SQLE: variants seen among roughly 807,000 people sequenced by gnomAD.
The protein encoded by SQLE is squalene monooxygenase.
A neutral mutation model predicts 60.7 loss-of-function variants in SQLE; 29 were observed. That is an observed-to-expected ratio of 0.48 (90% CI 0.36 to 0.65). The LOEUF is 0.65. Ranked by LOEUF, SQLE falls within the 30% of genes least tolerant of loss-of-function variation. The probability of loss-of-function intolerance (pLI) is 0.00; values close to 1 mark genes in which losing one functional copy is unlikely to be tolerated. For missense variants in SQLE, 605 were observed against 684.1 expected (o/e 0.88, Z 1.29); for synonymous variants, 237 against 246.8 (o/e 0.96, Z 0.37).
intron 7 of SQLE, among the ~76,000 whole-genome samples, chr8:125,014,288 G>A (rs968896086): frequency 1.3e-5 from 2 of 152,126 alleles, no homozygotes; most frequent in East Asian, 1.9e-4. Context: ...TGCTGACATA[G>A]GAACAGGAAA....
In SQLE at chr8:124,999,109, GA is replaced by G; in HGVS notation, c.-293del. 2.9e-6 allele frequency: 1 copy of G among 347,268 alleles called. No individual in the cohort carries two copies. The highest frequency in any genetic ancestry group is 5.1e-6 in the Non-Finnish European group (1 of 194,718). The allele number at this position is 347,268 out of a possible 1,614,324, so 21.5% of individuals were successfully genotyped here. ...AACACCATCAAAAAAGAAAAAAAGG[GA>G]ATATCTGGATTTCCTGGGCGAGGAG... is the stretch of plus-strand genomic sequence containing the variant. On this transcript the variant is annotated 5_prime_UTR_variant, in exon 1 of 11. Transcript: ENST00000265896.
chr8:125,011,585 G>A lies in SQLE; in HGVS notation c.1157G>A (p.Arg386Lys). 6.3e-7 allele frequency: 1 copy of A among 1,587,786 alleles called. No homozygotes were observed. The highest frequency in any genetic ancestry group is 8.6e-7 in the Non-Finnish European group (1 of 1,165,454). Residue 386 changes from arginine (R) to lysine (K), a missense_variant, in exon 7 of 11, where the codon AGG (arginine) becomes AAG (lysine). Coordinates refer to ENST00000265896, the MANE Select transcript of SQLE (RefSeq NM_003129.4). ...GAAGCCACTGACAATTCTCATCTGAGGTCCATGCCAGCAAGCTTCCTTCCT... is the reference window on the plus strand; with the variant it reads ...GAAGCCACTGACAATTCTCATCTGAAGTCCATGCCAGCAAGCTTCCTTCCT... ...FLEATDNSHL[R>K]SMPASFLPPS...
At chr8:125,021,325 A>C (rs959175398) in intron 10 of SQLE, among the ~76,000 whole-genome samples, 6 of 152,164 alleles carry the variant, frequency 3.9e-5, no homozygotes, top group South Asian at 2.1e-4. Context: ...TGATCCTTTG[A>C]GTCATTTCTC....
In SQLE at chr8:125,009,016, A is replaced by T; in HGVS notation, c.868A>T (p.Lys290Ter). 6.3e-7 allele frequency: 1 copy of T among 1,596,320 alleles called. No homozygotes were observed. The highest frequency in any genetic ancestry group is 8.5e-7 in the Non-Finnish European group (1 of 1,173,910). Residue 290 changes from lysine (K) to a stop codon, truncating the protein, a stop_gained, in exon 5 of 11, where the codon AAG becomes TAG. Transcript: ENST00000265896. LOFTEE classifies it high-confidence loss of function. ...LTVVADGLFS[K>*]FRKSLVSNKV... ...TGTTGTTGCAGATGGGCTTTTCTCC[A>T]AGTTCAGGAAAAGCCTGGTCTCCAA...
intron 7 of SQLE, chr8:125,017,847 C>A: frequency 1.8e-6 from 1 of 557,486 alleles, no homozygotes; most frequent in Non-Finnish European, 3.1e-6. Context: ...TTACCATATC[C>A]CCAGTGCCTG....
chr8:124,998,854 GA>G lies in SQLE; in HGVS notation c.-545del. On this transcript the variant is annotated 5_prime_UTR_variant, in exon 1 of 11. Coordinates refer to ENST00000265896, the MANE Select transcript of SQLE (RefSeq NM_003129.4). ...GGGCTGTACAGTGTCTCCGTCCGCGGAAAAAGAAGCCTCTGAACCCGCGCCG... is the reference window on the plus strand; with the variant it reads ...GGGCTGTACAGTGTCTCCGTCCGCGGAAAAGAAGCCTCTGAACCCGCGCCG... 2.5e-6 allele frequency: 1 copy of G among 405,892 alleles called. No homozygotes were observed. The highest frequency in any genetic ancestry group is 4.5e-5 in the Admixed American group (1 of 22,326). 25.1% of individuals were successfully genotyped at this position (405,892 alleles called of 1,614,324 possible).
chr8:125,012,201 A>G (rs1294690642), intron 7 of SQLE, among the ~76,000 whole-genome samples: 2 of 152,192 alleles, frequency 1.3e-5, no homozygotes, highest in Non-Finnish European at 1.5e-5. Context: ...GAGACAGACC[A>G]TTAACATTTA....
At position 125,012,358 on chromosome 8, in the gene SQLE, C is replaced by G. The variant is rs1815051413; in HGVS notation, c.1204+726C>G. Reference sequence around the variant, plus strand: ...ACAGTGTGTGCATCACCACCACAATCAAATTTAGAACATTTTTATCTTGCC... The same window carrying G: ...ACAGTGTGTGCATCACCACCACAATGAAATTTAGAACATTTTTATCTTGCC... On this transcript the variant is annotated intron_variant, in intron 7 of 10. Transcript: ENST00000265896. Among the ~76,000 whole-genome samples the G allele has an allele frequency of 3.3e-5, 5 of 152,310 alleles. No homozygotes were observed. The South Asian group carries it at 1.0e-3, about 32-fold the overall frequency.
At position 125,003,404 on chromosome 8, in the gene SQLE, G is replaced by A. The variant is rs373553731; in HGVS notation, c.520G>A (p.Val174Ile). 1.9e-6 allele frequency: 3 copies of A among 1,613,866 alleles called. No homozygotes were observed. The highest frequency in any genetic ancestry group is 1.3e-5 in the African/African-American group (1 of 74,912). ...GEFLQPGGYH[V>I]LKDLGLGDTV... ...ATTCCTGCAGCCGGGTGGTTATCATGTTCTCAAAGACCTTGGTCTTGGAGG... is the reference window on the plus strand; with the variant it reads ...ATTCCTGCAGCCGGGTGGTTATCATATTCTCAAAGACCTTGGTCTTGGAGG... Residue 174 changes from valine (V) to isoleucine (I), a missense_variant, in exon 2 of 11, where the codon GTT becomes ATT. Coordinates refer to ENST00000265896, the MANE Select transcript of SQLE (RefSeq NM_003129.4).
At chr8:125,012,842 T>C (rs1240178915) in intron 7 of SQLE, among the ~76,000 whole-genome samples, 1 of 152,208 alleles carries the variant, frequency 6.6e-6, no homozygotes, top group East Asian at 1.9e-4. Flanking sequence ...AGACTTGTTT[T>C]CCAAAATAGC....
intron 4 of SQLE, among the ~76,000 whole-genome samples, chr8:125,007,713 G>A (rs985459232): frequency 6.6e-6 from 1 of 152,114 alleles, no homozygotes; most frequent in South Asian, 2.1e-4. Context: ...ATGATCTAAT[G>A]AGTATTTTGT....
chr8:125,018,156 G>A lies in SQLE; in HGVS notation c.1302G>A (p.Leu434=), dbSNP rs768381830. ...AFKDIKLWRK[L]LKGIPDLYDD... ...AAGATATAAAACTATGGAGAAAACT[G>A]CTAAAGGGTATCCCTGACCTTTATG... Residue 434 remains leucine, a synonymous_variant, in exon 8 of 11, where the codon CTG becomes CTA. Transcript: ENST00000265896. 6.2e-7 allele frequency: 1 copy of A among 1,613,748 alleles called. No individual in the cohort carries two copies. The highest frequency in any genetic ancestry group is 8.5e-7 in the Non-Finnish European group (1 of 1,179,854).
intron 10 of SQLE, 72 bp downstream of exon 10, chr8:125,020,943 C>T: frequency 2.0e-6 from 2 of 1,008,216 alleles, no homozygotes; most frequent in Admixed American, 3.9e-5. Context: ...TGAATTACTG[C>T]AAATCTTTCT....
Position 125,005,683 on chromosome 8 carries a change from A to G in SQLE, c.703A>G (p.Lys235Glu). The G allele has an allele frequency of 8.7e-6, 14 of 1,601,534 alleles. No homozygotes were observed. The highest frequency in any genetic ancestry group is 1.3e-5 in the African/African-American group (1 of 74,802). The change falls in exon 3 of 11, where the codon AAA becomes GAA. Residue 235 changes from lysine to glutamate, a missense_variant. Lys to Glu is a moderately conservative substitution (Grantham distance 56, BLOSUM62 1). Transcript: ENST00000265896. ...CGGAAGATTCATCATGAGTCTCCGG[A>G]AAGCAGCTATGGCAGAGCCCAAGTA... ...HHGRFIMSLR[K>E]AAMAEPNAKF...
At chr8:125,013,070 A>G (rs1369509027) in intron 7 of SQLE, among the ~76,000 whole-genome samples, 1 of 152,058 alleles carries the variant, frequency 6.6e-6, no homozygotes, top group Non-Finnish European at 1.5e-5. Flanking sequence ...GTATATTTAG[A>G]CTTTGCATAT....
At chr8:125,012,691 G>A (rs1013070991) in intron 7 of SQLE, among the ~76,000 whole-genome samples, 1 of 152,106 alleles carries the variant, frequency 6.6e-6, no homozygotes, top group East Asian at 1.9e-4. Flanking sequence ...CTACTTTTTG[G>A]TTATTACAAG....
Position 125,005,647 on chromosome 8 carries a change from G to T in SQLE, c.667G>T (p.Ala223Ser). The T allele has an allele frequency of 6.2e-7, 1 of 1,608,378 alleles. No individual in the cohort carries two copies. Among genetic ancestry groups the T allele is most frequent in the African/African-American group, 1.3e-5 (1 of 74,942 alleles). Residue 223 changes from alanine to serine, a missense_variant, in exon 3 of 11, where the codon GCT becomes TCT. By Grantham distance (99) the Ala-to-Ser change is moderately conservative (BLOSUM62 1). Transcript: ENST00000265896. ...AAACAATCAAGTGCAGAGTGGAAGA[G>T]CTTTCCATCACGGAAGATTCATCAT... The part of the protein sequence containing the change: ...SENNQVQSGR[A>S]FHHGRFIMSL...
intron 1 of SQLE, among the ~76,000 whole-genome samples, chr8:125,001,511 T>C (rs765035857): frequency 2.0e-5 from 3 of 150,830 alleles, no homozygotes; most frequent in African/African-American, 4.9e-5. Context: ...GAAAAACTTA[T>C]GAAGAAGCAC....
chr8:125,019,200 G>T, intron 9 of SQLE: 1 of 158,418 alleles, frequency 6.3e-6, no homozygotes, highest in Non-Finnish European at 1.4e-5. Context: ...GGATTATTTT[G>T]GTGCTTTTGT....
Sources: gnomAD v4.1 joint callset for allele counts (sites outside exome capture counted in the v4.1 genomes callset) on GRCh38, gnomAD v4.1.1 for gene constraint, MANE v1.5 for transcripts, NCBI Gene and HGNC (gene_info 2026-07-23, HGNC 2026-07-21) for gene names.